LPAR1: variants seen among roughly 807,000 people sequenced by gnomAD.
The protein encoded by LPAR1 is LPA receptor 1.
A neutral mutation model predicts 23.8 loss-of-function variants in LPAR1; 5 were observed. The ratio of observed to expected loss-of-function variants is 0.21; its 90% CI spans 0.11 to 0.44. The LOEUF (loss-of-function observed/expected upper bound fraction) is 0.44. Ranked by LOEUF, LPAR1 falls within the 20% of genes least tolerant of loss-of-function variation. The probability of loss-of-function intolerance (pLI) is 0.99; values close to 1 mark genes in which losing one functional copy is unlikely to be tolerated. For synonymous variants in LPAR1, 160 were observed against 164.7 expected (o/e 0.97, Z 0.22); for missense variants, 311 against 482.8 (o/e 0.64, Z 3.33).
chr9:110,876,638 T>C (rs536670354), intron 5 of LPAR1, among the ~76,000 whole-genome samples: 4 of 152,360 alleles, frequency 2.6e-5, no homozygotes, highest in Non-Finnish European at 4.4e-5. Flanking sequence ...CTAGAAAATA[T>C]TACATTTCTA....
At chr9:111,007,432 T>A (rs2097241703) in intron 2 of LPAR1, among the ~76,000 whole-genome samples, 1 of 152,118 alleles carries the variant, frequency 6.6e-6, no homozygotes, top group Non-Finnish European at 1.5e-5. Flanking sequence ...CTTAAACAAG[T>A]AAATTTTTAG....
intron 5 of LPAR1, among the ~76,000 whole-genome samples, chr9:110,928,898 C>T (rs970700294): frequency 2.6e-5 from 4 of 152,198 alleles, no homozygotes; most frequent in African/African-American, 9.7e-5. Context: ...CCTTCTCTCT[C>T]CCAAGAGAAA....
At chr9:111,003,652 A>T (rs1279534296) in intron 2 of LPAR1, among the ~76,000 whole-genome samples, 1 of 152,124 alleles carries the variant, frequency 6.6e-6, no homozygotes, top group Non-Finnish European at 1.5e-5. Context: ...TGGTGGCTGC[A>T]ATCACAGAAA....
At chr9:110,933,183 A>G (rs2135778897) in intron 5 of LPAR1, among the ~76,000 whole-genome samples, 1 of 152,358 alleles carries the variant, frequency 6.6e-6, no homozygotes, top group Middle Eastern at 3.4e-3. Context: ...AAAAATTTAC[A>G]GAGTATAATT....
At chr9:111,034,813 A>G (rs1046425629) in intron 2 of LPAR1, among the ~76,000 whole-genome samples, 1 of 152,124 alleles carries the variant, frequency 6.6e-6, no homozygotes, top group African/African-American at 2.4e-5. Flanking sequence ...ATAACTCCTT[A>G]AAATAACATC....
intron 2 of LPAR1, among the ~76,000 whole-genome samples, chr9:110,984,587 A>G (rs983572611): frequency 2.0e-5 from 3 of 152,096 alleles, no homozygotes; most frequent in African/African-American, 7.2e-5. Context: ...TTTTGGGTAT[A>G]TACTTAGCAG....
At chr9:110,963,748 TGATAC>T (rs2096089136) in intron 4 of LPAR1, among the ~76,000 whole-genome samples, 1 of 152,220 alleles carries the variant, frequency 6.6e-6, no homozygotes, top group East Asian at 1.9e-4. Flanking sequence ...ATCAAAAGGC[TGATAC>T]TATACAAAGC....
intron 5 of LPAR1, among the ~76,000 whole-genome samples, chr9:110,939,562 T>C (rs1263482265): frequency 1.3e-5 from 2 of 152,190 alleles, no homozygotes; most frequent in African/African-American, 4.8e-5. Flanking sequence ...GTGGTAGTAG[T>C]TGGGCATGGG....
At chr9:110,975,353 G>A (rs1290420102) in intron 2 of LPAR1, among the ~76,000 whole-genome samples, 2 of 152,188 alleles carry the variant, frequency 1.3e-5, no homozygotes, top group Non-Finnish European at 2.9e-5. Flanking sequence ...GGGATTTCAT[G>A]AAAGGCCACT....
At chr9:110,944,063 G>GCT (rs2095285950) in intron 4 of LPAR1, among the ~76,000 whole-genome samples, 1 of 151,942 alleles carries the variant, frequency 6.6e-6, no homozygotes, top group Non-Finnish European at 1.5e-5. Context: ...AATGTGCTGT[G>GCT]CTCTCTCTCT....
chr9:110,956,937 C>A (rs1030493460), intron 4 of LPAR1, among the ~76,000 whole-genome samples: 1 of 152,070 alleles, frequency 6.6e-6, no homozygotes, highest in Non-Finnish European at 1.5e-5. Flanking sequence ...TTCTACAAGG[C>A]CAGCATTACT....
chr9:111,002,590 T>C (rs1237435126), intron 2 of LPAR1, among the ~76,000 whole-genome samples: 2 of 152,180 alleles, frequency 1.3e-5, no homozygotes, highest in Non-Finnish European at 2.9e-5. Flanking sequence ...TGTAAACTAA[T>C]AATGGGAGGT....
chr9:110,928,526 T>C (rs1339427884), intron 5 of LPAR1, among the ~76,000 whole-genome samples: 5 of 152,222 alleles, frequency 3.3e-5, no homozygotes, highest in Non-Finnish European at 5.9e-5. Context: ...TTCACTTTTC[T>C]TCTAGAACAT....
intron 3 of LPAR1, among the ~76,000 whole-genome samples, chr9:110,972,813 A>G (rs1028228069): frequency 2.6e-5 from 4 of 152,024 alleles, no homozygotes; most frequent in Admixed American, 2.0e-4. Context: ...CAGGCGTGGT[A>G]GAACATGCCT....
chr9:110,930,673 T>C (rs1379050193), intron 5 of LPAR1, among the ~76,000 whole-genome samples: 1 of 152,064 alleles, frequency 6.6e-6, no homozygotes, highest in Non-Finnish European at 1.5e-5. Flanking sequence ...CCCAGCACTT[T>C]GGGAGGCTGA....
At chr9:110,911,489 C>T (rs1564442592) in intron 5 of LPAR1, among the ~76,000 whole-genome samples, 2 of 151,930 alleles carry the variant, frequency 1.3e-5, no homozygotes, top group South Asian at 4.1e-4. Flanking sequence ...CTACAATGCA[C>T]CAAGACTGTG....
chr9:111,006,272 C>A (rs1011804880), intron 2 of LPAR1, among the ~76,000 whole-genome samples: 2 of 152,194 alleles, frequency 1.3e-5, no homozygotes, highest in Non-Finnish European at 2.9e-5. Context: ...CCAGCTTTCT[C>A]AAGTCACTGA....
chr9:110,949,210 C>A (rs1197191143), intron 4 of LPAR1, among the ~76,000 whole-genome samples: 3 of 152,138 alleles, frequency 2.0e-5, no homozygotes, highest in Non-Finnish European at 4.4e-5. Context: ...TCAACACAGC[C>A]AGCCACACGG....
At chr9:111,035,089 T>A (rs1340550216) in intron 2 of LPAR1, among the ~76,000 whole-genome samples, 1 of 148,028 alleles carries the variant, frequency 6.8e-6, no homozygotes, top group Non-Finnish European at 1.5e-5. Flanking sequence ...CTTTCCCCCC[T>A]GTGTTGCAGT....
Sources: gnomAD v4.1 joint callset for allele counts (sites outside exome capture counted in the v4.1 genomes callset) on GRCh38, gnomAD v4.1.1 for gene constraint, MANE v1.5 for transcripts, NCBI Gene and HGNC (gene_info 2026-07-23, HGNC 2026-07-21) for gene names.